The following SYT1 variants were observed in gnomAD, a reference collection of about 807,000 sequenced individuals.
SYT1 encodes synaptotagmin-1.
In SYT1, 8 loss-of-function variants were observed where a neutral mutation model predicts 44.8. The observed-to-expected ratio is 0.18, with a 90% CI of 0.10 to 0.32. The LOEUF (loss-of-function observed/expected upper bound fraction) is 0.32, where lower values mean the gene tolerates loss of function less well. Among genes scored for constraint, SYT1 ranks in the 10% least tolerant of loss-of-function variants. The probability of loss-of-function intolerance (pLI) is 1.00; values close to 1 mark genes in which losing one functional copy is unlikely to be tolerated. For missense variants in SYT1, 286 were observed against 509.3 expected (o/e 0.56, Z 4.22); for synonymous variants, 154 against 188.8 (o/e 0.82, Z 1.51).
intron 1 of SYT1, among the ~76,000 whole-genome samples, chr12:78,949,485 A>T (rs1462372972): frequency 6.6e-6 from 1 of 151,880 alleles, no homozygotes; most frequent in East Asian, 1.9e-4. Flanking sequence ...ATTAAAAAAA[A>T]AAAAACCTTA....
At chr12:78,873,289 A>G (rs1873913739) in intron 1 of SYT1, among the ~76,000 whole-genome samples, 1 of 151,726 alleles carries the variant, frequency 6.6e-6, no homozygotes, top group South Asian at 2.1e-4. Context: ...TTACTATGTA[A>G]GAACTAGTTT....
intron 8 of SYT1, among the ~76,000 whole-genome samples, chr12:79,316,499 A>T (rs1415185790): frequency 6.6e-6 from 1 of 152,196 alleles, no homozygotes; most frequent in African/African-American, 2.4e-5. Flanking sequence ...CTGCTGGTTC[A>T]TAGGTAGGTG....
intron 2 of SYT1, among the ~76,000 whole-genome samples, chr12:78,993,003 T>A (rs1317549720): frequency 6.6e-6 from 1 of 152,236 alleles, no homozygotes; most frequent in Non-Finnish European, 1.5e-5. Flanking sequence ...TACAAACTTT[T>A]ACACTTGCTC....
At chr12:78,968,624 C>A (rs1018153133) in intron 1 of SYT1, among the ~76,000 whole-genome samples, 13 of 152,066 alleles carry the variant, frequency 8.5e-5, no homozygotes, top group African/African-American at 3.1e-4. Flanking sequence ...AAAGGATCTC[C>A]ACTGTATTCA....
chr12:79,024,060 GGA>G (rs1380943501), intron 2 of SYT1, among the ~76,000 whole-genome samples: 2 of 151,678 alleles, frequency 1.3e-5, no homozygotes, highest in African/African-American at 4.8e-5. Context: ...CCTCACGGAG[GGA>G]GAGAACTGCT....
Position 79,367,902 on chromosome 12 carries a change from A to T in SYT1, c.928+14283A>T, listed in dbSNP as rs1017849921. Among the ~76,000 whole-genome samples the T allele has an allele frequency of 1.0e-4, 15 of 145,090 alleles. No homozygotes were observed. In the East Asian group the frequency reaches 1.1e-3, roughly 11 times the overall value. On this transcript the variant is annotated intron_variant, in intron 9 of 10. Transcript: ENST00000261205. ...ACAGCAGAGATGATACCTTTTTTTA[A>T]AAAAAAAAATTATTATTATACTTTA...
At chr12:79,013,981 C>T (rs888294660) in intron 2 of SYT1, among the ~76,000 whole-genome samples, 3 of 149,444 alleles carry the variant, frequency 2.0e-5, no homozygotes, top group Non-Finnish European at 4.4e-5. Flanking sequence ...CAAAAATTAG[C>T]TGGGCATGGT....
chr12:79,390,715 T>G (rs1884624225), intron 9 of SYT1, among the ~76,000 whole-genome samples: 1 of 152,240 alleles, frequency 6.6e-6, no homozygotes, highest in Non-Finnish European at 1.5e-5. Flanking sequence ...TGGGATTATG[T>G]GGAAACTGCA....
At chr12:79,006,189 CTTTCAGGA>C (rs1418692374) in intron 2 of SYT1, among the ~76,000 whole-genome samples, 2 of 152,132 alleles carry the variant, frequency 1.3e-5, no homozygotes, top group Non-Finnish European at 2.9e-5. Context: ...GCATTCATTA[CTTTCAGGA>C]TTTCCTGTCT....
At chr12:78,889,345 T>A (rs1231654390) in intron 1 of SYT1, among the ~76,000 whole-genome samples, 2 of 151,948 alleles carry the variant, frequency 1.3e-5, no homozygotes, top group Admixed American at 6.6e-5. Context: ...AAGTTAAGAT[T>A]CACTCACTAC....
At chr12:79,350,786 C>A (rs1882866252) in intron 8 of SYT1, among the ~76,000 whole-genome samples, 2 of 152,232 alleles carry the variant, frequency 1.3e-5, no homozygotes, top group African/African-American at 4.8e-5. Context: ...CCAAAAATTT[C>A]ACTAACAAGA....
chr12:78,907,721 A>G (rs1437708491), intron 1 of SYT1, among the ~76,000 whole-genome samples: 2 of 152,042 alleles, frequency 1.3e-5, no homozygotes, highest in African/African-American at 2.4e-5. Context: ...TCTGCCTCCC[A>G]GTTATTACTG....
At chr12:79,063,848 T>C (rs1875565052) in intron 3 of SYT1, among the ~76,000 whole-genome samples, 1 of 152,074 alleles carries the variant, frequency 6.6e-6, no homozygotes, top group African/African-American at 2.4e-5. Flanking sequence ...TTCCAAAAAG[T>C]ATCATTTCTT....
intron 1 of SYT1, among the ~76,000 whole-genome samples, chr12:78,963,294 C>T (rs183887372): frequency 4.3e-4 from 66 of 151,968 alleles, no homozygotes; most frequent in African/African-American, 1.5e-3. Flanking sequence ...AATAAAATTA[C>T]GGGCAACAAA....
intron 4 of SYT1, among the ~76,000 whole-genome samples, chr12:79,281,305 A>T (rs1333300316): frequency 6.6e-6 from 1 of 152,162 alleles, no homozygotes; most frequent in African/African-American, 2.4e-5. Context: ...GGATATAGAG[A>T]TATAGATAGA....
At chr12:79,210,810 A>G (rs1874397708) in intron 3 of SYT1, among the ~76,000 whole-genome samples, 1 of 152,150 alleles carries the variant, frequency 6.6e-6, no homozygotes, top group Admixed American at 6.5e-5. Flanking sequence ...AAAAGTATAA[A>G]TTTTAATGAT....
intron 9 of SYT1, chr12:79,392,591 C>A (rs1884700923): frequency 6.6e-6 from 1 of 151,630 alleles, no homozygotes; most frequent in African/African-American, 2.4e-5. Flanking sequence ...AGAGGTAAAC[C>A]AATTTAAGCT....
intron 3 of SYT1, among the ~76,000 whole-genome samples, chr12:79,167,824 C>A (rs10861629): frequency 0.28 from 42,656 of 151,916 alleles, 7,638 homozygotes; most frequent in Admixed American, 0.42. Flanking sequence ...GGGGATGCAG[C>A]GGGCTGGGAA....
chr12:79,137,643 TA>T (rs1869286327), intron 3 of SYT1, among the ~76,000 whole-genome samples: 2 of 152,346 alleles, frequency 1.3e-5, no homozygotes, highest in South Asian at 4.1e-4. Context: ...TATTAAAAAT[TA>T]AACTATAAGT....
Sources: gnomAD v4.1 joint callset for allele counts (sites outside exome capture counted in the v4.1 genomes callset) on GRCh38, gnomAD v4.1.1 for gene constraint, MANE v1.5 for transcripts, NCBI Gene and HGNC (gene_info 2026-07-23, HGNC 2026-07-21) for gene names.